FRMD4A: variants seen among roughly 807,000 people sequenced by gnomAD.
The protein encoded by FRMD4A is FERM domain-containing protein 4A.
A neutral mutation model predicts 129.1 loss-of-function variants in FRMD4A; 29 were observed. The observed-to-expected ratio is 0.22, with a 90% CI of 0.17 to 0.31. The LOEUF (loss-of-function observed/expected upper bound fraction) is 0.31, where lower values mean the gene tolerates loss of function less well. Ranked by LOEUF, FRMD4A falls within the 10% of genes least tolerant of loss-of-function variation. The pLI is 1.00. For missense variants in FRMD4A, 1,272 were observed against 1,375.8 expected (o/e 0.92, Z 1.19); for synonymous variants, 634 against 571.6 (o/e 1.11, Z -1.56).
intron 14 of FRMD4A, among the ~76,000 whole-genome samples, chr10:13,699,954 C>T (rs1206925042): frequency 3.3e-5 from 5 of 152,140 alleles, no homozygotes; most frequent in Admixed American, 6.5e-5. Context: ...CTCTGTCCTG[C>T]GCTCATTCAT....
At chr10:13,853,420 C>T (rs890866883) in intron 3 of FRMD4A, among the ~76,000 whole-genome samples, 1 of 152,124 alleles carries the variant, frequency 6.6e-6, no homozygotes, top group Non-Finnish European at 1.5e-5. Context: ...ATCTGTTAGC[C>T]CCAGCTACTG....
chr10:14,185,499 T>G (rs78088719), intron 2 of FRMD4A, among the ~76,000 whole-genome samples: 1 of 151,994 alleles, frequency 6.6e-6, no homozygotes, highest in African/African-American at 2.4e-5. Context: ...TTTTCTAACT[T>G]CAAGTATTTT....
chr10:13,652,858 A>C (rs1287011070), intron 23 of FRMD4A: 1 of 152,200 alleles, frequency 6.6e-6, no homozygotes, highest in African/African-American at 2.4e-5. Flanking sequence ...AAGCCCGAGA[A>C]TTTGCATTTC....
chr10:14,198,886 C>T (rs1842548225), intron 2 of FRMD4A, among the ~76,000 whole-genome samples: 3 of 152,210 alleles, frequency 2.0e-5, no homozygotes, highest in African/African-American at 7.2e-5. Context: ...ACAATAGCAT[C>T]TGCCTTACAG....
chr10:13,738,857 C>G (rs970601858), intron 11 of FRMD4A, among the ~76,000 whole-genome samples: 7 of 152,128 alleles, frequency 4.6e-5, no homozygotes, highest in African/African-American at 9.7e-5. Context: ...CTGACCTCAG[C>G]TGATCCACCC....
At chr10:14,326,054 C>G (rs1171620845) in intron 2 of FRMD4A, 1 of 152,166 alleles carries the variant, frequency 6.6e-6, no homozygotes, top group Non-Finnish European at 1.5e-5. Flanking sequence ...AAATATGACT[C>G]TCAGTAATTT....
At chr10:13,681,148 T>C (rs1160258791) in intron 15 of FRMD4A, among the ~76,000 whole-genome samples, 1 of 152,212 alleles carries the variant, frequency 6.6e-6, no homozygotes. Flanking sequence ...AGGCATCTTA[T>C]ACACAGCACA....
At chr10:13,999,519 A>C (rs1292488702) in intron 2 of FRMD4A, among the ~76,000 whole-genome samples, 2 of 152,056 alleles carry the variant, frequency 1.3e-5, no homozygotes, top group East Asian at 1.9e-4. Context: ...GTTCCAATAG[A>C]GTGATTGGAG....
At chr10:13,767,041 C>T (rs2092309510) in intron 6 of FRMD4A, among the ~76,000 whole-genome samples, 1 of 152,118 alleles carries the variant, frequency 6.6e-6, no homozygotes. Flanking sequence ...CCACTGCACT[C>T]CAGCCTGGTG....
At chr10:14,000,165 C>T (rs2131617307) in intron 2 of FRMD4A, among the ~76,000 whole-genome samples, 1 of 152,272 alleles carries the variant, frequency 6.6e-6, no homozygotes, top group Middle Eastern at 3.4e-3. Context: ...TGCACAGTTT[C>T]TTCTATATAG....
chr10:14,186,149 G>GAA (rs11460017), intron 2 of FRMD4A, among the ~76,000 whole-genome samples: 59 of 122,958 alleles, frequency 4.8e-4, no homozygotes, highest in East Asian at 1.6e-3. Context: ...AAAAGAAAAA[G>GAA]AAAAAAAAAA....
At chr10:13,934,654 G>A (rs1037446531) in intron 2 of FRMD4A, among the ~76,000 whole-genome samples, 1 of 151,964 alleles carries the variant, frequency 6.6e-6, no homozygotes, top group Non-Finnish European at 1.5e-5. Context: ...TTTTGCTCTC[G>A]ATCTCTTGCA....
intron 5 of FRMD4A, among the ~76,000 whole-genome samples, chr10:13,790,865 G>A (rs570423725): frequency 1.3e-5 from 2 of 152,208 alleles, no homozygotes; most frequent in East Asian, 3.9e-4. Flanking sequence ...CACAGAGGAC[G>A]TTTTCTTCAG....
intron 2 of FRMD4A, among the ~76,000 whole-genome samples, chr10:14,168,163 C>T (rs755610890): frequency 1.4e-4 from 22 of 152,106 alleles, no homozygotes; most frequent in Non-Finnish European, 2.2e-4. Context: ...CCAGAGGAGA[C>T]GCTTGGACTT....
intron 21 of FRMD4A, among the ~76,000 whole-genome samples, chr10:13,658,479 A>G (rs2082362638): frequency 6.6e-6 from 1 of 152,244 alleles, no homozygotes; most frequent in Admixed American, 6.5e-5. Flanking sequence ...CAGCGGCCCC[A>G]CGGGCCAAGC....
Position 13,753,745 on chromosome 10 carries a change from A to G in FRMD4A, c.465-5926T>C, listed in dbSNP as rs377174916. Among the ~76,000 whole-genome samples, 27 of 151,964 alleles carry G rather than the reference A, an allele frequency of 1.8e-4. 2 individuals carry two copies. The highest frequency in any genetic ancestry group is 6.3e-4 in the African/African-American group (26 of 41,422). On this transcript the variant is annotated intron_variant, in intron 8 of 24. Transcript: ENST00000357447. ...TATTTTGTAGAGATGAGGTCTCACTATGTTGCCTAGGCTCATCTTGAACTC... is the reference window on the plus strand; with the variant it reads ...TATTTTGTAGAGATGAGGTCTCACTGTGTTGCCTAGGCTCATCTTGAACTC...
intron 11 of FRMD4A, 45 bp from the exon 12 acceptor site, chr10:13,737,975 G>T: frequency 9.7e-7 from 1 of 1,029,050 alleles, no homozygotes; most frequent in Non-Finnish European, 1.5e-6. Flanking sequence ...ACTGGAGGAA[G>T]TAAACACACG....
intron 12 of FRMD4A, among the ~76,000 whole-genome samples, chr10:13,715,598 A>G (rs1189786743): frequency 6.6e-6 from 1 of 152,194 alleles, no homozygotes; most frequent in Admixed American, 6.5e-5. Context: ...TGCCTGGTAC[A>G]TAGTGCTGAA....
chr10:14,053,256 C>T (rs1386726755), intron 2 of FRMD4A, among the ~76,000 whole-genome samples: 1 of 152,296 alleles, frequency 6.6e-6, no homozygotes, highest in East Asian at 1.9e-4. Flanking sequence ...AGCATAGACC[C>T]TTGGCACTGA....
Sources: gnomAD v4.1 joint callset for allele counts (sites outside exome capture counted in the v4.1 genomes callset) on GRCh38, gnomAD v4.1.1 for gene constraint, MANE v1.5 for transcripts, NCBI Gene and HGNC (gene_info 2026-07-23, HGNC 2026-07-21) for gene names.